CDC42EP3: variants seen among roughly 807,000 people sequenced by gnomAD.
CDC42EP3 encodes the protein CDC42 effector protein (Rho GTPase binding) 3.
A neutral mutation model predicts 15.5 loss-of-function variants in CDC42EP3; 4 were observed. That is an observed-to-expected ratio of 0.26 (90% CI 0.13 to 0.59). The LOEUF (loss-of-function observed/expected upper bound fraction) is 0.59, where lower values mean the gene tolerates loss of function less well. CDC42EP3 is among the 20% of genes least tolerant of loss of function. CDC42EP3 has a pLI of 0.89. For missense variants in CDC42EP3, 309 were observed against 311.2 expected, an observed-to-expected ratio of 0.99 and a Z score of 0.05; for synonymous variants, 145 against 130.3, an observed-to-expected ratio of 1.11 and a Z score of -0.77.
chr2:37,656,995 C>CCCCCCCA (rs1421761299), intron 1 of CDC42EP3, among the ~76,000 whole-genome samples: 4 of 78,722 alleles, frequency 5.1e-5, no homozygotes, highest in African/African-American at 2.2e-4. Context: ...CCCCCACCCC[C>CCCCCCCA]CGCCCCCCGC....
chr2:37,666,768 T>A (rs1464225432), intron 1 of CDC42EP3, among the ~76,000 whole-genome samples: 1 of 152,124 alleles, frequency 6.6e-6, no homozygotes, highest in African/African-American at 2.4e-5. Context: ...TCCATCATCA[T>A]GTGATTCTGA....
chr2:37,671,683 G>C (rs925059575), upstream of CDC42EP3: 4 of 151,416 alleles, frequency 2.6e-5, no homozygotes, highest in Non-Finnish European at 4.4e-5. Context: ...ACCTGCGGAG[G>C]GCGGGGCGGC....
upstream of CDC42EP3, among the ~76,000 whole-genome samples, chr2:37,672,857 A>G (rs1666478389): frequency 6.6e-6 from 1 of 152,188 alleles, no homozygotes; most frequent in Non-Finnish European, 1.5e-5. Flanking sequence ...TATCAGCTTC[A>G]GGTCATCACC....
chr2:37,663,725 G>T (rs144243137), intron 1 of CDC42EP3, among the ~76,000 whole-genome samples: 1 of 152,174 alleles, frequency 6.6e-6, no homozygotes, highest in Non-Finnish European at 1.5e-5. Context: ...ACTGAGTGTC[G>T]ACTTGATGGA....
intron 1 of CDC42EP3, among the ~76,000 whole-genome samples, chr2:37,667,818 T>C (rs1484791666): frequency 6.6e-6 from 1 of 152,196 alleles, no homozygotes; most frequent in Non-Finnish European, 1.5e-5. Context: ...GGTGGGGGTG[T>C]GGTATTTAGT....
At chr2:37,656,701 G>A (rs970714780) in intron 1 of CDC42EP3, among the ~76,000 whole-genome samples, 4 of 152,162 alleles carry the variant, frequency 2.6e-5, no homozygotes, top group Non-Finnish European at 4.4e-5. Flanking sequence ...AGCCACTGCC[G>A]ATTTGATAAC....
intron 1 of CDC42EP3, among the ~76,000 whole-genome samples, chr2:37,659,759 C>T (rs1665997591): frequency 6.6e-6 from 1 of 152,156 alleles, no homozygotes; most frequent in Admixed American, 6.5e-5. Flanking sequence ...TACAAGGAAA[C>T]CTCAAGAAAC....
At position 37,642,939 on chromosome 2, in the gene CDC42EP3, T is replaced by G. The variant is rs1665314732; in HGVS notation, c.*2884A>C. ...TTGTGAAGAGCTAAGTATCCTGATA[T>G]TTTGATCTTTTCAAGCAGATAATTT... On this transcript the variant is annotated 3_prime_UTR_variant, in exon 2 of 2. Coordinates refer to ENST00000295324, the MANE Select transcript of CDC42EP3 (RefSeq NM_006449.5). The G allele has an allele frequency of 6.6e-6, 1 of 152,172 alleles. No homozygotes were observed. The highest frequency in any genetic ancestry group is 2.4e-5 in the African/African-American group (1 of 41,440). The allele number at this position is 152,172 out of a possible 1,614,324, so 9.4% of individuals were successfully genotyped here.
chr2:37,661,860 T>A (rs193292222), intron 1 of CDC42EP3, among the ~76,000 whole-genome samples: 2 of 152,300 alleles, frequency 1.3e-5, no homozygotes. Flanking sequence ...TATCTGTTTA[T>A]ATATCAGGCT....
intron 1 of CDC42EP3, among the ~76,000 whole-genome samples, chr2:37,653,202 G>C (rs192640254): frequency 6.6e-6 from 1 of 152,164 alleles, no homozygotes; most frequent in Non-Finnish European, 1.5e-5. Flanking sequence ...CATGTGGCAG[G>C]TCAGAGAGAA....
At chr2:37,653,682 T>A (rs59064434) in intron 1 of CDC42EP3, among the ~76,000 whole-genome samples, 1 of 152,162 alleles carries the variant, frequency 6.6e-6, no homozygotes, top group African/African-American at 2.4e-5. Flanking sequence ...GGGATATTTT[T>A]AAAATTCCAT....
chr2:37,659,764 A>G (rs557570254), intron 1 of CDC42EP3, among the ~76,000 whole-genome samples: 4 of 152,374 alleles, frequency 2.6e-5, no homozygotes, highest in African/African-American at 7.2e-5. Flanking sequence ...GGAAACCTCA[A>G]GAAACTACAA....
chr2:37,647,446 G>A (rs1344872286), intron 1 of CDC42EP3: 1 of 152,200 alleles, frequency 6.6e-6, no homozygotes, highest in Non-Finnish European at 1.5e-5. Context: ...TTGTAATCAG[G>A]TTGTGGCAAA....
intron 1 of CDC42EP3, among the ~76,000 whole-genome samples, chr2:37,647,240 G>A (rs1665508753): frequency 6.6e-6 from 1 of 152,160 alleles, no homozygotes; most frequent in Non-Finnish European, 1.5e-5. Flanking sequence ...ATAAGTTAAT[G>A]CAATAAAATG....
Position 37,660,272 on chromosome 2 carries a change from T to C in CDC42EP3, c.-236+11154A>G, listed in dbSNP as rs142536038. 7.8e-3 allele frequency among the ~76,000 whole-genome samples: 1,190 copies of C among 152,340 alleles called. 8 individuals are homozygous for C. Among genetic ancestry groups the C allele is most frequent in the African/African-American group, 0.026 (1,068 of 41,574 alleles). On this transcript the variant is annotated intron_variant, in intron 1 of 1. Transcript: ENST00000295324. ...GCAGATGAGGCTAAAATGGTTCCTA[T>C]TGATCCTGTGGACAGTCTCCACAGT... is the stretch of plus-strand genomic sequence containing the variant.
At chr2:37,672,502 C>G (rs1262702307), upstream of CDC42EP3, 1 of 152,206 alleles carries the variant, frequency 6.6e-6, no homozygotes, top group Non-Finnish European at 1.5e-5. Context: ...CGCGGTGGCA[C>G]CTGCGCCCGC....
intron 1 of CDC42EP3, among the ~76,000 whole-genome samples, chr2:37,669,024 T>C (rs1161867921): frequency 1.3e-5 from 2 of 152,066 alleles, no homozygotes; most frequent in Non-Finnish European, 2.9e-5. Flanking sequence ...TGAAAAGAAA[T>C]ACAGGTTCAC....
Position 37,646,433 on chromosome 2 carries a change from A to T in CDC42EP3, c.155T>A (p.Val52Asp), listed in dbSNP as rs1411962780. The change falls in exon 2 of 2, where the codon GTC becomes GAC. Residue 52 changes from valine (V) to aspartate (D), a missense_variant. Physicochemically the swap from Val to Asp is radical, Grantham distance 152. Transcript: ENST00000295324. Reference sequence around the variant, plus strand: ...TTGAAGAAAGGAAATATCTCCAAAGACATCGTGCTGGCCCTCTTTGCCAAT... The same window carrying T: ...TTGAAGAAAGGAAATATCTCCAAAGTCATCGTGCTGGCCCTCTTTGCCAAT... ...IHIGKEGQHD[V>D]FGDISFLQGN... is the part of the protein sequence containing the mutation. 6.2e-7 allele frequency: 1 copy of T among 1,614,010 alleles called. No individual in the cohort carries two copies. Among genetic ancestry groups the T allele is most frequent in the Non-Finnish European group, 8.5e-7 (1 of 1,180,032 alleles).
intron 1 of CDC42EP3, among the ~76,000 whole-genome samples, chr2:37,661,673 G>A (rs1041656906): frequency 6.6e-6 from 1 of 152,206 alleles, no homozygotes; most frequent in Admixed American, 6.5e-5. Flanking sequence ...ACCGGGAGCT[G>A]ACAGCACGAG....
Sources: allele counts gnomAD v4.1 joint callset (sites outside exome capture counted in the v4.1 genomes callset), GRCh38; gene constraint gnomAD v4.1.1; transcripts MANE v1.5; gene names NCBI Gene and HGNC (gene_info 2026-07-23, HGNC 2026-07-21).